Variants in FAAH2 observed in about 807,000 individuals in gnomAD.
FAAH2 encodes the protein fatty acid amide hydrolase 2.
FAAH2 carries 60 observed loss-of-function variants against 36.9 expected under a neutral mutation model. That is an observed-to-expected ratio of 1.63 (90% CI 1.32 to 2.02). The LOEUF is 2.02. Ranked by LOEUF, FAAH2 falls within the 30% of genes most tolerant of loss-of-function variation. The pLI is 0.00. For synonymous variants in FAAH2, 214 were observed against 143.8 expected, an observed-to-expected ratio of 1.49 and a Z score of -3.49; for missense variants, 689 against 397.5, an observed-to-expected ratio of 1.73 and a Z score of -6.23.
the FAAH2 span, among the ~76,000 whole-genome samples, chrX:57,207,922 C>A: frequency 1.8e-5 from 2 of 112,786 alleles, no homozygotes; most frequent in African/African-American, 3.2e-5. Context: ...GCCGGAAATG[C>A]CCCTGTTTGG....
chrX:57,153,615 A>G, the FAAH2 span, among the ~76,000 whole-genome samples: 1 of 112,174 alleles, frequency 8.9e-6, no homozygotes, highest in Non-Finnish European at 1.9e-5. Flanking sequence ...CTTTTCTTCA[A>G]TTATGAATCT....
intron 3 of FAAH2, among the ~76,000 whole-genome samples, chrX:57,329,758 C>A (rs1043082988): frequency 9.1e-6 from 1 of 110,409 alleles, no homozygotes; most frequent in East Asian, 2.9e-4. Context: ...GTCAGGGACC[C>A]CAAACAGAGG....
intron 2 of FAAH2, among the ~76,000 whole-genome samples, chrX:57,306,994 G>GATATATATATATATATAT (rs770040896): frequency 0.049 from 1,509 of 30,924 alleles, 502 homozygotes; most frequent in Non-Finnish European, 0.067. Context: ...CACACACACA[G>GATATATATATATATATAT]ATACATATAT....
At chrX:57,387,711 G>A (rs1192135904) in intron 7 of FAAH2, among the ~76,000 whole-genome samples, 2 of 111,344 alleles carry the variant, frequency 1.8e-5, no homozygotes, top group Non-Finnish European at 3.8e-5. Context: ...AAGTTCCTAG[G>A]CACACTCCAA....
chrX:57,355,094 C>A (rs905199453), intron 5 of FAAH2, among the ~76,000 whole-genome samples: 2 of 110,855 alleles, frequency 1.8e-5, no homozygotes, highest in African/African-American at 6.5e-5. Flanking sequence ...ATGCCTGTTA[C>A]TAAATATGCA....
At chrX:57,182,471 T>A in the FAAH2 span, among the ~76,000 whole-genome samples, 1 of 111,622 alleles carries the variant, frequency 9.0e-6, no homozygotes, top group South Asian at 3.7e-4. Flanking sequence ...TCAATATCAC[T>A]GATCTTTACA....
the FAAH2 span, among the ~76,000 whole-genome samples, chrX:57,259,236 G>A: frequency 9.0e-6 from 1 of 111,626 alleles, no homozygotes; most frequent in Non-Finnish European, 1.9e-5. Context: ...ATAATCCAGT[G>A]ATTTTAGTTC....
the FAAH2 span, among the ~76,000 whole-genome samples, chrX:57,213,553 T>G: frequency 2.7e-5 from 3 of 111,917 alleles, no homozygotes; most frequent in African/African-American, 9.7e-5. Flanking sequence ...TTTCAAAAAA[T>G]TTTTGATTTC....
At chrX:57,324,126 GGTTT>G (rs1460814061) in intron 3 of FAAH2, among the ~76,000 whole-genome samples, 1 of 111,548 alleles carries the variant, frequency 9.0e-6, no homozygotes, top group Admixed American at 9.5e-5. Flanking sequence ...GTTTTTGTCA[GGTTT>G]GTCAAAGATC....
intron 3 of FAAH2, among the ~76,000 whole-genome samples, chrX:57,323,989 C>G (rs2053125875): frequency 9.0e-6 from 1 of 111,626 alleles, no homozygotes; most frequent in South Asian, 3.7e-4. Flanking sequence ...ACATTTAAGT[C>G]TTTAATCCAT....
At chrX:57,260,749 G>T in the FAAH2 span, among the ~76,000 whole-genome samples, 2 of 111,228 alleles carry the variant, frequency 1.8e-5, no homozygotes, top group African/African-American at 6.5e-5. Flanking sequence ...GGATATGTGT[G>T]TGTGTGTGTG....
chrX:57,389,892 G>A (rs931149426), intron 7 of FAAH2, among the ~76,000 whole-genome samples: 1 of 110,067 alleles, frequency 9.1e-6, no homozygotes, highest in African/African-American at 3.3e-5. Context: ...GCTATTGGGT[G>A]GGAGGTGACA....
intron 7 of FAAH2, among the ~76,000 whole-genome samples, chrX:57,391,896 A>T (rs1451382209): frequency 9.1e-6 from 1 of 110,438 alleles, no homozygotes; most frequent in Non-Finnish European, 1.9e-5. Context: ...TAGTCTGTAG[A>T]TTGCTCTTGG....
the FAAH2 span, among the ~76,000 whole-genome samples, chrX:57,245,801 A>G: frequency 2.7e-5 from 3 of 112,255 alleles, no homozygotes; most frequent in Non-Finnish European, 5.6e-5. Flanking sequence ...AAAACCTAAC[A>G]TCACAATTAA....
the FAAH2 span, among the ~76,000 whole-genome samples, chrX:57,229,608 C>A: frequency 9.0e-6 from 1 of 111,673 alleles, no homozygotes; most frequent in Admixed American, 9.5e-5. Context: ...TACCTGGAAG[C>A]CCTGGTACTG....
intron 10 of FAAH2, among the ~76,000 whole-genome samples, chrX:57,479,705 G>T (rs1351318196): frequency 9.0e-6 from 1 of 111,458 alleles, no homozygotes; most frequent in Non-Finnish European, 1.9e-5. Flanking sequence ...AAGAGGTGTT[G>T]AATTTTGTCA....
intron 7 of FAAH2, among the ~76,000 whole-genome samples, chrX:57,416,588 A>T (rs772005293): frequency 3.6e-5 from 4 of 112,084 alleles, no homozygotes; most frequent in Admixed American, 9.5e-5. Flanking sequence ...GGGTTTCTGC[A>T]GAGTTCTGCA....
the FAAH2 span, among the ~76,000 whole-genome samples, chrX:57,165,722 A>T: frequency 8.1e-5 from 9 of 111,308 alleles, no homozygotes; most frequent in African/African-American, 2.9e-4. Flanking sequence ...AAAAAGAAAA[A>T]AAAGAAATTC....
chrX:57,343,707 G>T (rs182537447), intron 5 of FAAH2, among the ~76,000 whole-genome samples: 50 of 111,622 alleles, frequency 4.5e-4, no homozygotes, highest in African/African-American at 1.6e-3. Context: ...GTTGAGAAGG[G>T]TATCTCCTAG....
Sources: gnomAD v4.1 joint callset for allele counts (sites outside exome capture counted in the v4.1 genomes callset) on GRCh38, gnomAD v4.1.1 for gene constraint, MANE v1.5 for transcripts, NCBI Gene and HGNC (gene_info 2026-07-23, HGNC 2026-07-21) for gene names.